Variants in ERICH6B observed in about 807,000 individuals in gnomAD.
The protein encoded by ERICH6B is glutamate-rich protein 6B.
A neutral mutation model predicts 80.0 loss-of-function variants in ERICH6B; 69 were observed. The observed-to-expected ratio is 0.86, with a 90% CI of 0.71 to 1.05. The LOEUF (loss-of-function observed/expected upper bound fraction) is 1.05, where lower values mean the gene tolerates loss of function less well. Among genes scored for constraint, ERICH6B ranks in the 50% least tolerant of loss-of-function variants. The pLI is 0.00. For synonymous variants in ERICH6B, 283 were observed against 291.9 expected (o/e 0.97, Z 0.31); for missense variants, 754 against 796.1 (o/e 0.95, Z 0.64).
At chr13:45,573,526 C>T (rs558884418) in intron 8 of ERICH6B, among the ~76,000 whole-genome samples, 1 of 152,218 alleles carries the variant, frequency 6.6e-6, no homozygotes, top group African/African-American at 2.4e-5. Context: ...AGTGTAAAAG[C>T]TAGACAATTT....
At chr13:45,592,994 G>A (rs941039920) in intron 3 of ERICH6B, among the ~76,000 whole-genome samples, 4 of 152,122 alleles carry the variant, frequency 2.6e-5, no homozygotes, top group Non-Finnish European at 5.9e-5. Context: ...CGTGTGCTGG[G>A]TTTTCTGACT....
At chr13:45,557,359 A>G (rs1406411235) in intron 11 of ERICH6B, among the ~76,000 whole-genome samples, 1 of 151,694 alleles carries the variant, frequency 6.6e-6, no homozygotes, top group Non-Finnish European at 1.5e-5. Flanking sequence ...GATTGTGAAG[A>G]TTTTCTCCTA....
At chr13:45,575,004 G>A in intron 7 of ERICH6B, 74 bp from the exon 8 acceptor site, 2 of 984,464 alleles carry the variant, frequency 2.0e-6, no homozygotes, top group Admixed American at 4.5e-5. Flanking sequence ...AATTTAAAAA[G>A]AATAGAAATA....
chr13:45,541,406 G>T lies in ERICH6B; in HGVS notation c.*56C>A. On this transcript the variant is annotated 3_prime_UTR_variant, in exon 15 of 15. Coordinates refer to ENST00000298738, the MANE Select transcript of ERICH6B (RefSeq NM_182542.3). ...GGTCTTTGGGTTTTTTTTCCCTGGA[G>T]CTCCCAAGGTCTCCAACTTCCTAAG... 1.4e-6 allele frequency: 2 copies of T among 1,462,874 alleles called. No individual in the cohort carries two copies. The highest frequency in any genetic ancestry group is 1.3e-5 in the South Asian group (1 of 78,194). 90.6% of individuals were successfully genotyped at this position (1,462,874 alleles called of 1,614,324 possible).
intron 1 of ERICH6B, 23 bp downstream of exon 1, chr13:45,615,662 T>C (rs1949924048): frequency 2.6e-5 from 4 of 152,294 alleles, no homozygotes; most frequent in Admixed American, 2.0e-4. Context: ...GAGGAGCGCA[T>C]TGCTAACGTG....
At chr13:45,553,841 A>G (rs989323691) in intron 11 of ERICH6B, among the ~76,000 whole-genome samples, 4 of 152,100 alleles carry the variant, frequency 2.6e-5, no homozygotes, top group Non-Finnish European at 5.9e-5. Flanking sequence ...TCTTTCTTTA[A>G]TTGACAATTA....
chr13:45,549,316 C>T (rs7994888), intron 13 of ERICH6B, among the ~76,000 whole-genome samples: 16,679 of 151,738 alleles, frequency 0.11, 1,241 homozygotes, highest in African/African-American at 0.21. Flanking sequence ...AGTCCCCACA[C>T]CATGACCACT....
intron 7 of ERICH6B, among the ~76,000 whole-genome samples, chr13:45,578,674 GGT>G (rs1004629753): frequency 6.6e-6 from 1 of 152,174 alleles, no homozygotes; most frequent in Non-Finnish European, 1.5e-5. Flanking sequence ...GGGTTGGGCT[GGT>G]GGCTGCTATG....
chr13:45,573,094 AT>A (rs1433537426), intron 8 of ERICH6B, among the ~76,000 whole-genome samples: 4 of 152,176 alleles, frequency 2.6e-5, no homozygotes, highest in Non-Finnish European at 4.4e-5. Context: ...CTAGAAATTT[AT>A]TCTTTACATA....
chr13:45,557,404 C>T (rs1437118915), intron 11 of ERICH6B, among the ~76,000 whole-genome samples: 2 of 152,020 alleles, frequency 1.3e-5, no homozygotes, highest in African/African-American at 4.8e-5. Flanking sequence ...GCTGACTGTT[C>T]CTTTTGCTGC....
chr13:45,609,899 T>C (rs192344345), intron 1 of ERICH6B, among the ~76,000 whole-genome samples: 3 of 152,388 alleles, frequency 2.0e-5, no homozygotes, highest in African/African-American at 7.2e-5. Flanking sequence ...AGATCTGATC[T>C]GGCCAACCTT....
At chr13:45,566,559 C>G (rs1000243447) in intron 9 of ERICH6B, among the ~76,000 whole-genome samples, 1 of 152,236 alleles carries the variant, frequency 6.6e-6, no homozygotes, top group Non-Finnish European at 1.5e-5. Context: ...AGAGCTTGGG[C>G]CTTGGCTTCA....
intron 2 of ERICH6B, among the ~76,000 whole-genome samples, chr13:45,606,803 C>T (rs1285051773): frequency 1.3e-5 from 2 of 151,750 alleles, no homozygotes; most frequent in Non-Finnish European, 2.9e-5. Flanking sequence ...ATCCGTCCAC[C>T]TCAGCCTCCA....
At chr13:45,542,097 G>C (rs1050810659) in intron 14 of ERICH6B, among the ~76,000 whole-genome samples, 1 of 152,156 alleles carries the variant, frequency 6.6e-6, no homozygotes, top group African/African-American at 2.4e-5. Flanking sequence ...GGGCTCCTTG[G>C]GAGTGTATCT....
chr13:45,578,119 G>A (rs566102631), intron 7 of ERICH6B, among the ~76,000 whole-genome samples: 5 of 152,180 alleles, frequency 3.3e-5, no homozygotes, highest in Non-Finnish European at 5.9e-5. Flanking sequence ...AACAAGAACC[G>A]CTACCCTCAA....
intron 2 of ERICH6B, among the ~76,000 whole-genome samples, chr13:45,606,903 C>G (rs189181248): frequency 6.6e-6 from 1 of 152,106 alleles, no homozygotes; most frequent in Non-Finnish European, 1.5e-5. Context: ...CACATATCTC[C>G]AGGCAATTAA....
chr13:45,557,282 T>C (rs1465944493), intron 11 of ERICH6B, among the ~76,000 whole-genome samples: 1 of 152,086 alleles, frequency 6.6e-6, no homozygotes, highest in Non-Finnish European at 1.5e-5. Flanking sequence ...TGATGGGATT[T>C]TTTTTTCTTG....
At chr13:45,607,096 T>C (rs1038121008) in intron 2 of ERICH6B, among the ~76,000 whole-genome samples, 10 of 152,196 alleles carry the variant, frequency 6.6e-5, no homozygotes, top group African/African-American at 2.4e-4. Flanking sequence ...TTAGTATTTC[T>C]GCAGCAAACA....
At chr13:45,590,960 C>A (rs1876132957) in intron 3 of ERICH6B, among the ~76,000 whole-genome samples, 1 of 152,168 alleles carries the variant, frequency 6.6e-6, no homozygotes, top group African/African-American at 2.4e-5. Flanking sequence ...CTATGGTTAT[C>A]CCAGAAGCCT....
Sources: allele counts gnomAD v4.1 joint callset (sites outside exome capture counted in the v4.1 genomes callset), GRCh38; gene constraint gnomAD v4.1.1; transcripts MANE v1.5; gene names NCBI Gene and HGNC (gene_info 2026-07-23, HGNC 2026-07-21).